The following NSDHL variants were observed in gnomAD, a reference collection of about 807,000 sequenced individuals.
NSDHL encodes sterol-4-alpha-carboxylate 3-dehydrogenase, decarboxylating.
NSDHL carries 1 observed loss-of-function variant against 23.0 expected under a neutral mutation model. The observed-to-expected ratio is 0.04, with a 90% confidence interval of 0.02 to 0.21. NSDHL has a LOEUF of 0.21. NSDHL is among the 10% of genes least tolerant of loss of function. The pLI is 1.00. For synonymous variants in NSDHL, 128 were observed against 121.1 expected (o/e 1.06, Z -0.37); for missense variants, 237 against 300.9 (o/e 0.79, Z 1.57).
chrX:152,838,745 G>A (rs1327027260), intron 1 of NSDHL, among the ~76,000 whole-genome samples: 1 of 111,973 alleles, frequency 8.9e-6, no homozygotes, highest in East Asian at 2.8e-4. Flanking sequence ...GAATAAGTGT[G>A]ATGTGGTGCT....
Position 152,858,793 on chromosome X carries a change from T to C in NSDHL, c.291T>C (p.Gly97=), listed in dbSNP as rs1602937862. The C allele has an allele frequency of 8.3e-7, 1 of 1,210,165 alleles. No homozygotes were observed. Among genetic ancestry groups the C allele is most frequent in the Non-Finnish European group, 1.1e-6 (1 of 894,126 alleles). The change falls in exon 4 of 8, where the codon GGT becomes GGC. Residue 97 remains glycine, a synonymous_variant. Coordinates refer to ENST00000370274, the MANE Select transcript of NSDHL (RefSeq NM_015922.3). The stretch of plus-strand genomic sequence containing the variant: ...AGGATCTGTACCCAGCTCTGAAAGG[T>C]GTAAACACAGTTTTCCACTGTGCGT... ...SRQDLYPALK[G]VNTVFHCASP... is the part of the protein sequence containing the mutation.
intron 5 of NSDHL, among the ~76,000 whole-genome samples, chrX:152,864,100 C>T (rs782599268): frequency 8.5e-4 from 94 of 111,058 alleles, no homozygotes; most frequent in African/African-American, 2.8e-3. Flanking sequence ...TTAGTAGAGA[C>T]GGGGTTTCAC....
At chrX:152,843,114 G>A (rs1556845108) in intron 1 of NSDHL, among the ~76,000 whole-genome samples, 1 of 112,054 alleles carries the variant, frequency 8.9e-6, no homozygotes, top group Non-Finnish European at 1.9e-5. Context: ...TTGACAAGAG[G>A]CTGGTTTGCA....
At chrX:152,838,722 G>A (rs1366106355) in intron 1 of NSDHL, among the ~76,000 whole-genome samples, 2 of 111,866 alleles carry the variant, frequency 1.8e-5, no homozygotes, top group African/African-American at 3.3e-5. Context: ...TTCCAACTAT[G>A]TGGTCAATTT....
intron 1 of NSDHL, among the ~76,000 whole-genome samples, chrX:152,839,743 A>G (rs1556844642): frequency 1.8e-5 from 2 of 111,769 alleles, no homozygotes; most frequent in Non-Finnish European, 3.8e-5. Context: ...TTTTTCCTTC[A>G]TTTCAACTTT....
Position 152,869,373 on chromosome X carries a change from C to G in NSDHL, c.*257C>G. 1 of 410,766 alleles carries G rather than the reference C, an allele frequency of 2.4e-6. No homozygotes were observed. The highest frequency in any genetic ancestry group is 4.3e-6 in the Non-Finnish European group (1 of 229,958). 33.9% of individuals were successfully genotyped at this position (410,766 alleles called of 1,213,427 possible). The stretch of plus-strand genomic sequence containing the variant: ...CGATTTGTTCTCTGTCTTTTTGTGT[C>G]TCTCTGTTTACCCCCTCCCTTGCCC... On this transcript the variant is annotated 3_prime_UTR_variant, in exon 8 of 8. Transcript: ENST00000370274.
intron 1 of NSDHL, among the ~76,000 whole-genome samples, chrX:152,838,286 G>T (rs782273394): frequency 1.8e-5 from 2 of 111,258 alleles, no homozygotes; most frequent in Non-Finnish European, 3.8e-5. Context: ...GGTTTTTTGT[G>T]TCTCTATCTC....
chrX:152,855,729 A>G (rs1031552685), intron 3 of NSDHL, among the ~76,000 whole-genome samples: 1 of 111,398 alleles, frequency 9.0e-6, no homozygotes, highest in Admixed American at 9.6e-5. Context: ...GCCTCTGCTC[A>G]TGGCCAATCG....
chrX:152,836,400 T>A (rs1182750092), intron 1 of NSDHL, among the ~76,000 whole-genome samples: 1 of 112,215 alleles, frequency 8.9e-6, no homozygotes, highest in Non-Finnish European at 1.9e-5. Context: ...TGAATGGTAT[T>A]GCCTAGGTTT....
Position 152,869,394 on chromosome X carries a change from T to C in NSDHL, c.*278T>C. On this transcript the variant is annotated 3_prime_UTR_variant, in exon 8 of 8. Coordinates refer to ENST00000370274, the MANE Select transcript of NSDHL (RefSeq NM_015922.3). ...GTGTCTCTCTGTTTACCCCCTCCCT[T>C]GCCCCCTCTTCTGGTTTATACATTT... The C allele has an allele frequency of 5.3e-6, 2 of 376,126 alleles. No homozygotes were observed. Among genetic ancestry groups the C allele is most frequent in the Non-Finnish European group, 9.5e-6 (2 of 210,187 alleles). The allele number at this position is 376,126 out of a possible 1,213,427, so 31.0% of individuals were successfully genotyped here.
intron 4 of NSDHL, among the ~76,000 whole-genome samples, chrX:152,862,117 G>A (rs782465036): frequency 8.9e-6 from 1 of 112,471 alleles, no homozygotes; most frequent in Non-Finnish European, 1.9e-5. Flanking sequence ...CTTTAGAATA[G>A]CATTTCTTAA....
Position 152,858,751 on chromosome X carries a change from T to C in NSDHL, c.268-19T>C. On this transcript the variant is annotated intron_variant, in intron 3 of 7. Transcript: ENST00000370274. ...TGTCAAAGCAGGAATGATTATTTTG[T>C]CTTTCTTTGCTTTTCCAGGATCTGT... 1 of 1,207,578 alleles carries C rather than the reference T, an allele frequency of 8.3e-7. No homozygotes were observed. Among genetic ancestry groups the C allele is most frequent in the Non-Finnish European group, 1.1e-6 (1 of 891,534 alleles).
chrX:152,865,774 CTAGG>C, intron 5 of NSDHL, 41 bp from the exon 6 acceptor site: 1 of 1,209,548 alleles, frequency 8.3e-7, no homozygotes, highest in Non-Finnish European at 1.1e-6. Context: ...TGGCTTGGGC[CTAGG>C]AATTTGCAAT....
chrX:152,842,324 C>G (rs1933204973), intron 1 of NSDHL, among the ~76,000 whole-genome samples: 1 of 111,180 alleles, frequency 9.0e-6, no homozygotes, highest in South Asian at 3.8e-4. Flanking sequence ...TTTTACATGC[C>G]CATGAACAAT....
chrX:152,841,631 C>T (rs1933193985), intron 1 of NSDHL, among the ~76,000 whole-genome samples: 1 of 111,949 alleles, frequency 8.9e-6, no homozygotes. Flanking sequence ...CGTGGGTGCA[C>T]ATATTGGTTT....
chrX:152,834,922 C>T (rs947067582), intron 1 of NSDHL, among the ~76,000 whole-genome samples: 3 of 112,696 alleles, frequency 2.7e-5, no homozygotes, highest in Non-Finnish European at 1.9e-5. Flanking sequence ...TGGCCACATT[C>T]TAGCTTCCTG....
chrX:152,844,653 A>G (rs1311217688), intron 1 of NSDHL, among the ~76,000 whole-genome samples: 3 of 112,636 alleles, frequency 2.7e-5, no homozygotes, highest in Non-Finnish European at 5.6e-5. Context: ...TTATATCATC[A>G]CTAAATAACA....
At chrX:152,853,832 C>T (rs2054436885) in intron 3 of NSDHL, among the ~76,000 whole-genome samples, 1 of 112,208 alleles carries the variant, frequency 8.9e-6, no homozygotes, top group South Asian at 3.7e-4. Context: ...TGCTAAGGAA[C>T]AGGCCCCCGC....
intron 1 of NSDHL, among the ~76,000 whole-genome samples, chrX:152,832,075 A>G (rs963613221): frequency 9.2e-6 from 1 of 108,515 alleles, no homozygotes; most frequent in Admixed American, 9.7e-5. Flanking sequence ...TCGCTCCACA[A>G]CTCTTCTCTC....
Sources: gnomAD v4.1 joint callset for allele counts (sites outside exome capture counted in the v4.1 genomes callset) on GRCh38, gnomAD v4.1.1 for gene constraint, MANE v1.5 for transcripts, NCBI Gene and HGNC (gene_info 2026-07-23, HGNC 2026-07-21) for gene names.